The following C2 variants were observed in gnomAD, a reference collection of about 807,000 sequenced individuals.
The protein encoded by C2 is complement C2.
In C2, 64 loss-of-function variants were observed where a neutral mutation model predicts 85.2. The ratio of observed to expected loss-of-function variants is 0.75; its 90% confidence interval spans 0.61 to 0.92. The LOEUF is 0.92. C2 is among the 40% of genes least tolerant of loss of function. C2 has a pLI of 0.00. For synonymous variants in C2, 311 were observed against 370.8 expected, an observed-to-expected ratio of 0.84 and a Z score of 1.85; for missense variants, 820 against 971.6, an observed-to-expected ratio of 0.84 and a Z score of 2.07.
upstream of C2, chr6:31,927,452 G>A (rs1769341238): frequency 7.2e-7 from 1 of 1,384,136 alleles, no homozygotes. The surrounding 1 kb of genome is among the most constrained non-coding windows in gnomAD (Gnocchi z 4.7). Context: ...CGTGTATGGT[G>A]CACATGTGCA....
In C2 at chr6:31,945,569, G is replaced by T; in HGVS notation, c.*212G>T. ...CTCGCTGCCCCACCTCCCGCTCCTT[G>T]GCCTGTCCCCAGATTCCTTCCCTGG... On this transcript the variant is annotated 3_prime_UTR_variant, in exon 18 of 18. Transcript: ENST00000299367. The surrounding 1 kb of genome is among the most constrained non-coding windows in gnomAD (Gnocchi z 5.3). 2 of 606,346 alleles carry T rather than the reference G, an allele frequency of 3.3e-6. No individual in the cohort carries two copies. The highest frequency in any genetic ancestry group is 3.9e-5 in the South Asian group (2 of 51,690). The allele number at this position is 606,346 out of a possible 1,614,324, so 37.6% of individuals were successfully genotyped here.
In C2 at chr6:31,944,196, A is replaced by T; in HGVS notation, c.1872A>T (p.Lys624Asn). 6.2e-7 allele frequency: 1 copy of T among 1,612,430 alleles called. No individual in the cohort carries two copies. Among genetic ancestry groups the T allele is most frequent in the Non-Finnish European group, 8.5e-7 (1 of 1,179,484 alleles). Residue 624 changes from lysine (K) to asparagine (N), a missense_variant, in exon 15 of 18, where the codon AAA becomes AAT. Lys to Asn is a moderately conservative substitution (Grantham distance 94). Coordinates refer to ENST00000299367, the MANE Select transcript of C2 (RefSeq NM_000063.6). The surrounding 1 kb of genome is among the most constrained non-coding windows in gnomAD (Gnocchi z 5.1). ...ATTTTGTCGCCTTGAATGGGAGCAA[A>T]CTGAACATTAACCTTAAGATGGGAG... ...PAHFVALNGS[K>N]LNINLKMGVE...
chr6:31,899,813 C>T, upstream of C2: 1 of 1,136,254 alleles, frequency 8.8e-7, no homozygotes, highest in South Asian at 1.5e-5. Context: ...TGCTCAGCCT[C>T]CCACTCTTAC....
At chr6:31,901,547 G>C (rs1767272349) in intron 1 of C2, among the ~76,000 whole-genome samples, 1 of 151,290 alleles carries the variant, frequency 6.6e-6, no homozygotes, top group East Asian at 2.0e-4. Context: ...CCCCAGCCCA[G>C]CAGCCCGCTA....
rs749249171 is a variant in C2, at chr6:31,945,311, G to A, written c.2213G>A (p.Trp738Ter). ...ATCAATCTCTTCCGCATGCAGCCCT[G>A]GCTGAGGCAGCACCTGGGGGATGTC... ...FHINLFRMQP[W>*]LRQHLGDVLN... is the part of the protein sequence containing the mutation. Residue 738 changes from tryptophan (W) to a stop codon, truncating the protein, a stop_gained, in exon 18 of 18, where the codon TGG (tryptophan) becomes TAG (stop). Transcript: ENST00000299367. LOFTEE classifies it high-confidence loss of function. This position sits in a 1 kb window ranked among gnomAD's most constrained non-coding sequence, Gnocchi z 5.3. 1 of 1,612,992 alleles carries A rather than the reference G, an allele frequency of 6.2e-7. No homozygotes were observed. The highest frequency in any genetic ancestry group is 8.5e-7 in the Non-Finnish European group (1 of 1,180,002).
chr6:31,927,585 T>C, upstream of C2: 1 of 1,557,580 alleles, frequency 6.4e-7, no homozygotes, highest in East Asian at 2.2e-5. The surrounding 1 kb of genome is among the most constrained non-coding windows in gnomAD (Gnocchi z 4.7). Flanking sequence ...CAGTCCCCAA[T>C]CCCTGCTTAT....
At position 31,922,221 on chromosome 6, in the gene C2, C is replaced by T. The variant is rs1235358576; in HGVS notation, c.-100+2195C>T. On this transcript the variant is annotated intron_variant, in intron 1 of 3. Transcript: ENST00000413154. This position sits in a 1 kb window ranked among gnomAD's most constrained non-coding sequence, Gnocchi z 4.8. The stretch of plus-strand genomic sequence containing the variant: ...TGGGGCAAGGACAGATCCACTAAAA[C>T]CACCAAGAGGCTTGCAGAGCAATGC... Among the ~76,000 whole-genome samples the T allele has an allele frequency of 6.6e-6, 1 of 152,140 alleles. No homozygotes were observed. Among genetic ancestry groups the T allele is most frequent in the Non-Finnish European group, 1.5e-5 (1 of 68,034 alleles).
Position 31,942,985 on chromosome 6 carries a change from C to T in C2, c.1246C>T (p.Leu416=). 1 of 1,613,082 alleles carries T rather than the reference C, an allele frequency of 6.2e-7. No individual in the cohort carries two copies. The highest frequency in any genetic ancestry group is 8.5e-7 in the Non-Finnish European group (1 of 1,180,028). ...LDIYAIGVGK[L]DVDWRELNEL... The stretch of plus-strand genomic sequence containing the variant: ...CATCTATGCCATCGGGGTGGGCAAG[C>T]TGGATGTGGACTGGAGAGAACTGAA... Residue 416 remains leucine (L), a synonymous_variant, in exon 10 of 18, where the codon CTG becomes TTG. Coordinates refer to ENST00000299367, the MANE Select transcript of C2 (RefSeq NM_000063.6).
In C2 at chr6:31,927,816, G is replaced by A; in HGVS notation, c.46+18G>A. On this transcript the variant is annotated intron_variant, in intron 1 of 17. Transcript: ENST00000299367. The surrounding 1 kb of genome is among the most constrained non-coding windows in gnomAD (Gnocchi z 4.7). The stretch of plus-strand genomic sequence containing the variant: ...GTACCCAGGTAGGAGGCAGGGAAGG[G>A]GGAACGTCAGGGTCCTGTGTGTGAG... 1 of 1,611,826 alleles carries A rather than the reference G, an allele frequency of 6.2e-7. No homozygotes were observed. Among genetic ancestry groups the A allele is most frequent in the Non-Finnish European group, 8.5e-7 (1 of 1,177,942 alleles).
chr6:31,930,230 C>T (rs947700155), intron 3 of C2, among the ~76,000 whole-genome samples: 3 of 151,704 alleles, frequency 2.0e-5, no homozygotes, highest in Non-Finnish European at 4.4e-5. Context: ...TACAGGCATG[C>T]GCCACCATGC....
At chr6:31,900,537 C>A, upstream of C2, 1 of 1,612,066 alleles carries the variant, frequency 6.2e-7, no homozygotes, top group Non-Finnish European at 8.5e-7. This position sits in a 1 kb window ranked among gnomAD's most constrained non-coding sequence, Gnocchi z 9.7. Flanking sequence ...TGCGGTGGGG[C>A]TACAGTGCTG....
At chr6:31,913,640 T>C (rs1045307957) in intron 1 of C2, among the ~76,000 whole-genome samples, 9 of 152,092 alleles carry the variant, frequency 5.9e-5, no homozygotes, top group African/African-American at 2.2e-4. Context: ...TGACGTTAAG[T>C]AAAGGAGTTT....
At chr6:31,938,836 A>G (rs1770650982) in intron 8 of C2, among the ~76,000 whole-genome samples, 1 of 152,116 alleles carries the variant, frequency 6.6e-6, no homozygotes, top group Non-Finnish European at 1.5e-5. Flanking sequence ...TATATTTAGT[A>G]GAGGTGCGGT....
Position 31,944,329 on chromosome 6 carries a change from C to A in C2, c.1902+103C>A. ...GCTGCTTTCTCTCTCTGACGCGGGT[C>A]ACCCCTCCTCCCAAGCCTCACAAAC... On this transcript the variant is annotated intron_variant, in intron 15 of 17. Coordinates refer to ENST00000299367, the MANE Select transcript of C2 (RefSeq NM_000063.6). This position sits in a 1 kb window ranked among gnomAD's most constrained non-coding sequence, Gnocchi z 5.1. The A allele has an allele frequency of 4.8e-6, 4 of 826,780 alleles. No individual in the cohort carries two copies. Among genetic ancestry groups the A allele is most frequent in the South Asian group, 1.4e-5 (1 of 71,784 alleles). The allele number at this position is 826,780 out of a possible 1,614,324, so 51.2% of individuals were successfully genotyped here.
intron 6 of C2, chr6:31,934,556 C>A: frequency 6.9e-7 from 1 of 1,450,784 alleles, no homozygotes; most frequent in Non-Finnish European, 9.1e-7. Context: ...TCCAGGAATT[C>A]ATCATCTAGA....
intron 1 of C2, among the ~76,000 whole-genome samples, chr6:31,903,583 T>C (rs1168311924): frequency 1.3e-5 from 2 of 152,088 alleles, no homozygotes; most frequent in South Asian, 2.1e-4. Context: ...TGAGCCTAGA[T>C]TGCGCCATTG....
chr6:31,904,130 CGCCCATCCTTA>C lies in C2; in HGVS notation c.73+2994_73+3004del, dbSNP rs1767562190. On this transcript the variant is annotated intron_variant, in intron 1 of 3. Transcript: ENST00000452202. This position sits in a 1 kb window ranked among gnomAD's most constrained non-coding sequence, Gnocchi z 4.4. ...ACAGTGTCCTTATCTTTGTCTCCCC[CGCCCATCCTTA>C]GCTCATCTGAAAGCATTTTTATCTT... is the stretch of plus-strand genomic sequence containing the variant. Among the ~76,000 whole-genome samples, 1 of 151,940 alleles carries C rather than the reference CGCCCATCCTTA, an allele frequency of 6.6e-6. No homozygotes were observed. The highest frequency in any genetic ancestry group is 2.4e-5 in the African/African-American group (1 of 41,290).
At chr6:31,927,272 T>C (rs1769329444), upstream of C2, among the ~76,000 whole-genome samples, 1 of 152,246 alleles carries the variant, frequency 6.6e-6, no homozygotes, top group Non-Finnish European at 1.5e-5. The surrounding 1 kb of genome is among the most constrained non-coding windows in gnomAD (Gnocchi z 4.7). Flanking sequence ...AAAACCCACT[T>C]GGTACAACCC....
chr6:31,917,168 C>T (rs59415415), upstream of C2, among the ~76,000 whole-genome samples: 13 of 136,328 alleles, frequency 9.5e-5, no homozygotes, highest in Admixed American at 1.0e-3. Context: ...GAGACTCTGT[C>T]TCAGAAAAAA....
Sources: allele counts gnomAD v4.1 joint callset (sites outside exome capture counted in the v4.1 genomes callset), GRCh38; gene constraint gnomAD v4.1.1; non-coding constraint Gnocchi (gnomAD v3.1); transcripts MANE v1.5; gene names NCBI Gene and HGNC (gene_info 2026-07-23, HGNC 2026-07-21).